PNPLA1: variants seen among roughly 807,000 people sequenced by gnomAD.
PNPLA1 encodes the protein patatin like domain 1, omega-hydroxyceramide transacylase.
Under a neutral mutation model 51.7 loss-of-function variants are expected in PNPLA1, and 36 were observed. The ratio of observed to expected loss-of-function variants is 0.70; its 90% CI spans 0.53 to 0.92. The LOEUF is 0.92. Ranked by LOEUF, PNPLA1 falls within the 40% of genes least tolerant of loss-of-function variation. The pLI, the probability that PNPLA1 is intolerant of heterozygous loss-of-function variation, is 0.00. For missense variants in PNPLA1, 658 were observed against 682.5 expected (o/e 0.96, Z 0.40); for synonymous variants, 293 against 280.1 (o/e 1.05, Z -0.46).
chr6:36,288,245 A>G (rs952110166), intron 1 of PNPLA1, among the ~76,000 whole-genome samples: 95 of 152,362 alleles, frequency 6.2e-4, no homozygotes, highest in African/African-American at 2.1e-3. Flanking sequence ...AACAAACTAA[A>G]TAGCCAACCA....
At chr6:36,278,382 C>T (rs1241817311) in intron 1 of PNPLA1, among the ~76,000 whole-genome samples, 1 of 152,196 alleles carries the variant, frequency 6.6e-6, no homozygotes, top group Non-Finnish European at 1.5e-5. Context: ...GGATAATTTT[C>T]TGTAGTTATG....
At chr6:36,247,258 C>T (rs894933880) in intron 1 of PNPLA1, among the ~76,000 whole-genome samples, 4 of 152,242 alleles carry the variant, frequency 2.6e-5, no homozygotes, top group Non-Finnish European at 4.4e-5. Context: ...CAAATCCCTA[C>T]TCCCTCCTTT....
chr6:36,274,003 T>C (rs1246724672), intron 1 of PNPLA1, among the ~76,000 whole-genome samples: 1 of 152,184 alleles, frequency 6.6e-6, no homozygotes, highest in Non-Finnish European at 1.5e-5. Flanking sequence ...CTCAGCAGCA[T>C]GTTTATGAGA....
intron 1 of PNPLA1, among the ~76,000 whole-genome samples, chr6:36,282,217 GGAA>G: frequency 7.3e-6 from 1 of 136,240 alleles, no homozygotes; most frequent in African/African-American, 2.9e-5. Context: ...AGGAAGGGAA[GGAA>G]GGAAGGAAGG....
intron 1 of PNPLA1, among the ~76,000 whole-genome samples, chr6:36,288,283 G>A (rs1770564905): frequency 6.6e-6 from 1 of 152,070 alleles, no homozygotes. Context: ...AATAAATAAT[G>A]GTATAACCTT....
intron 1 of PNPLA1, among the ~76,000 whole-genome samples, chr6:36,260,501 A>G (rs1332402254): frequency 1.3e-5 from 2 of 152,198 alleles, no homozygotes; most frequent in Non-Finnish European, 2.9e-5. Flanking sequence ...ACATGGTTCA[A>G]CATTCAGAAG....
At chr6:36,291,217 T>G in intron 1 of PNPLA1, 103 bp from the exon 2 acceptor site, 18 of 793,238 alleles carry the variant, frequency 2.3e-5, no homozygotes, top group Non-Finnish European at 2.8e-5. Flanking sequence ...GGTTTCCCCA[T>G]TTGTTGGATT....
At chr6:36,272,394 G>A (rs1030767110) in intron 1 of PNPLA1, among the ~76,000 whole-genome samples, 5 of 152,296 alleles carry the variant, frequency 3.3e-5, no homozygotes, top group Middle Eastern at 3.4e-3. Flanking sequence ...ATGGGGAGCC[G>A]CTGTAAATAC....
At position 36,270,395 on chromosome 6, in the gene PNPLA1, C is replaced by T; in HGVS notation, c.-65C>T. The T allele has an allele frequency of 6.6e-7, 1 of 1,515,530 alleles. No homozygotes were observed. Among genetic ancestry groups the T allele is most frequent in the Non-Finnish European group, 9.0e-7 (1 of 1,117,312 alleles). The allele number at this position is 1,515,530 out of a possible 1,614,324, so 93.9% of individuals were successfully genotyped here. A position where few individuals can be genotyped will look rare whatever the true frequency, so the allele number is the denominator to read the frequency against. On this transcript the variant is annotated 5_prime_UTR_variant, in exon 1 of 9. Coordinates refer to ENST00000636260, the MANE Select transcript of PNPLA1 (RefSeq NM_001374623.1). ...GGAGTTCCTACAGGGAGCGGCAGCC[C>T]AGGCTCGGGCAGGCAAGTGCTGAAG...
At chr6:36,293,738 C>T (rs1770763781) in intron 3 of PNPLA1, among the ~76,000 whole-genome samples, 1 of 152,190 alleles carries the variant, frequency 6.6e-6, no homozygotes. Flanking sequence ...TATTGCATGT[C>T]AGCCAGCCCT....
At chr6:36,292,177 T>C (rs931838014) in intron 2 of PNPLA1, among the ~76,000 whole-genome samples, 1 of 151,802 alleles carries the variant, frequency 6.6e-6, no homozygotes, top group Non-Finnish European at 1.5e-5. Flanking sequence ...ACATCTCCAC[T>C]CTCCTTCCTT....
rs922489274 is a variant in PNPLA1 at position 36,306,381 on chromosome 6, GTTTCCCC to G, written c.1469+8_1469+14del. The stretch of plus-strand genomic sequence containing the variant: ...CGTCAGCAAGCCTTATGTAACGTAA[GTTTCCCC>G]TTCGTGGAGCACGCTCTTTCCTTTG... On this transcript the variant is annotated splice_donor_region_variant and intron_variant, in intron 7 of 8. Coordinates refer to ENST00000636260, the MANE Select transcript of PNPLA1 (RefSeq NM_001374623.1). 6.2e-7 allele frequency: 1 copy of G among 1,606,936 alleles called. No individual in the cohort carries two copies. The highest frequency in any genetic ancestry group is 8.5e-7 in the Non-Finnish European group (1 of 1,177,062).
intron 1 of PNPLA1, among the ~76,000 whole-genome samples, chr6:36,260,282 C>T (rs897385289): frequency 2.6e-5 from 4 of 152,058 alleles, no homozygotes; most frequent in African/African-American, 9.7e-5. Flanking sequence ...GAGTATGACC[C>T]TGTCCCTAAA....
chr6:36,282,088 AGAAGGAAGGAAG>A lies in PNPLA1; in HGVS notation c.206-9192_206-9181del, dbSNP rs70975141. ...AAGAAAGAAAGAAAGAAAGAAAGAA[AGAAGGAAGGAAG>A]GAAGGAAGGAAGGAAGGAAGGAAGG... On this transcript the variant is annotated intron_variant, in intron 1 of 8. Coordinates refer to ENST00000636260, the MANE Select transcript of PNPLA1 (RefSeq NM_001374623.1). Among the ~76,000 whole-genome samples the A allele has an allele frequency of 7.1e-4, 70 of 98,906 alleles. 1 individual carries two copies. Among genetic ancestry groups the A allele is most frequent in the African/African-American group, 2.3e-3 (48 of 20,632 alleles). 64.9% of individuals were successfully genotyped at this position (98,906 alleles called of 152,430 possible). A position where few individuals can be genotyped will look rare whatever the true frequency, so the allele number is the denominator to read the frequency against.
At chr6:36,289,260 CT>C (rs1191661788) in intron 1 of PNPLA1, among the ~76,000 whole-genome samples, 1 of 152,152 alleles carries the variant, frequency 6.6e-6, no homozygotes, top group Admixed American at 6.5e-5. Context: ...GCTCTCAGGC[CT>C]CATGGGAAAA....
Position 36,294,284 on chromosome 6 carries a change from G to C in PNPLA1, c.599G>C (p.Cys200Ser). The change falls in exon 4 of 9, where the codon TGT (cysteine) becomes TCT (serine). Residue 200 changes from cysteine (C) to serine (S), a missense_variant. Transcript: ENST00000636260. The surrounding 1 kb of genome is among the most constrained non-coding windows in gnomAD (Gnocchi z 4.2). Reference protein sequence around the residue: ...ISTFSGQQDICPRDCPAIFHD... With the variant: ...ISTFSGQQDISPRDCPAIFHD... ...ACCTTCAGTGGGCAGCAGGACATCT[G>C]TCCCCGGGACTGCCCGGCCATCTTC... is the stretch of plus-strand genomic sequence containing the variant. The C allele has an allele frequency of 6.2e-7, 1 of 1,614,182 alleles. No homozygotes were observed. Among genetic ancestry groups the C allele is most frequent in the African/African-American group, 1.3e-5 (1 of 75,032 alleles).
intron 5 of PNPLA1, among the ~76,000 whole-genome samples, chr6:36,299,405 G>A (rs1260012038): frequency 1.3e-5 from 2 of 150,454 alleles, no homozygotes; most frequent in South Asian, 2.1e-4. Flanking sequence ...CATGATCTCG[G>A]CTCACTGCAA....
At chr6:36,282,237 A>G (rs184016705) in intron 1 of PNPLA1, among the ~76,000 whole-genome samples, 5,224 of 30,206 alleles carry the variant, frequency 0.17, 117 homozygotes, top group Middle Eastern at 0.37. Flanking sequence ...AAGGAAGGAA[A>G]GAAAGAAAGA....
chr6:36,275,661 A>G (rs552854457), intron 1 of PNPLA1, among the ~76,000 whole-genome samples: 1 of 152,312 alleles, frequency 6.6e-6, no homozygotes, highest in South Asian at 2.1e-4. Flanking sequence ...TAGTCTTATA[A>G]TAAAGGGTTC....
Sources: allele counts gnomAD v4.1 joint callset (sites outside exome capture counted in the v4.1 genomes callset), GRCh38; gene constraint gnomAD v4.1.1; non-coding constraint Gnocchi (gnomAD v3.1); transcripts MANE v1.5; gene names NCBI Gene and HGNC (gene_info 2026-07-23, HGNC 2026-07-21).